SRGAP3: variants seen among roughly 807,000 people sequenced by gnomAD.
SRGAP3 encodes SLIT-ROBO Rho GTPase activating protein 3.
SRGAP3 carries 39 observed loss-of-function variants against 121.1 expected under a neutral mutation model. The ratio of observed to expected loss-of-function variants is 0.32; its 90% confidence interval spans 0.25 to 0.42. The LOEUF is 0.42. SRGAP3 is among the 10% of genes least tolerant of loss of function. The pLI is 1.00. For synonymous variants in SRGAP3, 601 were observed against 570.0 expected (o/e 1.05, Z -0.77); for missense variants, 1,213 against 1,470.6 (o/e 0.82, Z 2.86).
At chr3:9,164,802 G>A (rs1320925965) in intron 1 of SRGAP3, among the ~76,000 whole-genome samples, 3 of 152,228 alleles carry the variant, frequency 2.0e-5, no homozygotes. Flanking sequence ...CGTCTACAGT[G>A]TTCATACCAC....
chr3:9,248,742 C>T, intron 1 of SRGAP3, 143 bp downstream of exon 1: 1 of 867,986 alleles, frequency 1.2e-6, no homozygotes, highest in Non-Finnish European at 1.9e-6. Context: ...GCGGCTGCCA[C>T]TGTTACTCCT....
At chr3:9,202,644 T>C (rs1952107943) in intron 1 of SRGAP3, among the ~76,000 whole-genome samples, 1 of 152,082 alleles carries the variant, frequency 6.6e-6, no homozygotes, top group Admixed American at 6.5e-5. Context: ...TCCTGCCCCA[T>C]CTCTGCTCAC....
intron 18 of SRGAP3, among the ~76,000 whole-genome samples, chr3:9,006,388 G>C (rs1943075765): frequency 7.6e-6 from 1 of 130,784 alleles, no homozygotes; most frequent in South Asian, 2.6e-4. Flanking sequence ...AACAGAGCGA[G>C]ACTCTGTCTC....
intron 1 of SRGAP3, among the ~76,000 whole-genome samples, chr3:9,342,931 A>C (rs945443064): frequency 2.0e-5 from 3 of 152,212 alleles, no homozygotes; most frequent in Non-Finnish European, 2.9e-5. Context: ...AACTTGTCCA[A>C]CTGGTCATTC....
chr3:9,060,935 T>A (rs1483540141), intron 5 of SRGAP3, among the ~76,000 whole-genome samples: 1 of 151,856 alleles, frequency 6.6e-6, no homozygotes, highest in East Asian at 1.9e-4. Context: ...CTTGCTAGGG[T>A]GGGGTGTAAA....
chr3:9,010,541 G>A (rs1184246316), intron 17 of SRGAP3, among the ~76,000 whole-genome samples, 154 bp from the exon 18 acceptor site: 1 of 151,980 alleles, frequency 6.6e-6, no homozygotes, highest in Admixed American at 6.6e-5. Flanking sequence ...ACCACTCCGG[G>A]GACCTTCCTA....
At chr3:9,177,076 C>T (rs952155278) in intron 1 of SRGAP3, among the ~76,000 whole-genome samples, 1 of 152,200 alleles carries the variant, frequency 6.6e-6, no homozygotes, top group African/African-American at 2.4e-5. Context: ...AGTTCAGAGA[C>T]TGGCTCTAGG....
At chr3:9,344,819 G>A (rs899619880) in intron 1 of SRGAP3, among the ~76,000 whole-genome samples, 4 of 151,856 alleles carry the variant, frequency 2.6e-5, no homozygotes, top group Non-Finnish European at 5.9e-5. Context: ...GGTGGATCAC[G>A]AGGTCAGGAA....
intron 18 of SRGAP3, among the ~76,000 whole-genome samples, chr3:9,002,498 C>A (rs111680436): frequency 2.6e-5 from 4 of 152,040 alleles, no homozygotes; most frequent in African/African-American, 9.7e-5. Flanking sequence ...ACCCAAACCT[C>A]AAATCAATAA....
At chr3:9,255,342 G>C (rs139287978) in intron 3 of SRGAP3, among the ~76,000 whole-genome samples, 13 of 152,128 alleles carry the variant, frequency 8.5e-5, no homozygotes, top group African/African-American at 3.1e-4. Flanking sequence ...CTGGAAACAC[G>C]GGCTCTAACA....
chr3:9,255,035 A>G (rs1280540647), intron 3 of SRGAP3, among the ~76,000 whole-genome samples: 4 of 152,026 alleles, frequency 2.6e-5, no homozygotes, highest in Admixed American at 1.3e-4. Context: ...AAAGAAAGGA[A>G]GAAAGAAAGG....
At chr3:9,358,344 A>G (rs932465010) in intron 1 of SRGAP3, among the ~76,000 whole-genome samples, 1 of 152,110 alleles carries the variant, frequency 6.6e-6, no homozygotes, top group African/African-American at 2.4e-5. Context: ...CCTGTATAAC[A>G]CATGGTCTTT....
rs57820717 is a variant in SRGAP3 at position 9,090,174 on chromosome 3, A to G, written c.424-10087T>C. On this transcript the variant is annotated intron_variant, in intron 3 of 21. Transcript: ENST00000383836. The stretch of plus-strand genomic sequence containing the variant: ...ACGGCCTTCTGAAAACGCTCCACCA[A>G]GCATCAGCTTTCAAAGAGTTCCTGC... 7.9e-4 allele frequency among the ~76,000 whole-genome samples: 121 copies of G among 152,306 alleles called. 2 individuals are homozygous for G. In the East Asian group the frequency reaches 0.022, roughly 27 times the overall value.
chr3:9,152,319 T>G (rs546308269), intron 1 of SRGAP3, among the ~76,000 whole-genome samples: 98 of 152,350 alleles, frequency 6.4e-4, no homozygotes, highest in African/African-American at 2.2e-3. Flanking sequence ...GGACCAGGAA[T>G]GGATAGTGAT....
At chr3:9,252,655 G>A (rs546744319), upstream of SRGAP3, among the ~76,000 whole-genome samples, 1 of 152,162 alleles carries the variant, frequency 6.6e-6, no homozygotes, top group Middle Eastern at 3.4e-3. Flanking sequence ...AGAAGATGTG[G>A]GTGTGACCTG....
At chr3:8,987,009 G>A (rs1390836874) in intron 21 of SRGAP3, among the ~76,000 whole-genome samples, 1 of 152,232 alleles carries the variant, frequency 6.6e-6, no homozygotes, top group Non-Finnish European at 1.5e-5. Flanking sequence ...AGGCCACAGG[G>A]CCCCGGACTT....
At chr3:9,335,978 A>G (rs892558750) in intron 1 of SRGAP3, among the ~76,000 whole-genome samples, 1 of 152,198 alleles carries the variant, frequency 6.6e-6, no homozygotes. Context: ...GGAAAAAAGA[A>G]GATGGTTGAG....
chr3:8,990,648 A>C lies in SRGAP3; in HGVS notation c.2750T>G (p.Phe917Cys). The C allele has an allele frequency of 6.2e-7, 1 of 1,613,530 alleles. No homozygotes were observed. The change falls in exon 21 of 22, where the codon TTC becomes TGC. Residue 917 changes from phenylalanine to cysteine, a missense_variant. Phe to Cys is a radical substitution (Grantham distance 205, BLOSUM62 -2). Transcript: ENST00000383836. The stretch of plus-strand genomic sequence containing the variant: ...GTAGTTGATGCTGCCAGCGCTCCCG[A>C]ACGTCGCCATCCTCCGCTTCTCAGG... ...ESPEKRRMAT[F>C]GSAGSINYPD...
At chr3:9,261,485 C>T (rs143808700) in intron 3 of SRGAP3, among the ~76,000 whole-genome samples, 1,625 of 151,984 alleles carry the variant, frequency 0.011, 18 homozygotes, top group African/African-American at 0.026. Flanking sequence ...ACTAGAATAA[C>T]CAGTTTAGAA....
Sources: gnomAD v4.1 joint callset for allele counts (sites outside exome capture counted in the v4.1 genomes callset) on GRCh38, gnomAD v4.1.1 for gene constraint, MANE v1.5 for transcripts, NCBI Gene and HGNC (gene_info 2026-07-23, HGNC 2026-07-21) for gene names.